CNTNAP2: variants seen among roughly 807,000 people sequenced by gnomAD.
The protein encoded by CNTNAP2 is contactin associated protein 2, also known as contactin-associated protein-like 2.
In CNTNAP2, 98 loss-of-function variants were observed where a neutral mutation model predicts 155.2. The ratio of observed to expected loss-of-function variants is 0.63; its 90% CI spans 0.54 to 0.75. The LOEUF is 0.75. Ranked by LOEUF, CNTNAP2 falls within the 30% of genes least tolerant of loss-of-function variation. The pLI is 0.00. For synonymous variants in CNTNAP2, 651 were observed against 631.2 expected (o/e 1.03, Z -0.47); for missense variants, 1,727 against 1,688.1 (o/e 1.02, Z -0.40).
chr7:146,261,714 G>C (rs1799921810), intron 1 of CNTNAP2, among the ~76,000 whole-genome samples: 1 of 152,034 alleles, frequency 6.6e-6, no homozygotes, highest in Non-Finnish European at 1.5e-5. Flanking sequence ...TAGCTGAACA[G>C]TTTTAGAAAT....
intron 3 of CNTNAP2, among the ~76,000 whole-genome samples, chr7:146,904,638 A>T (rs1018066388): frequency 6.6e-6 from 1 of 151,856 alleles, no homozygotes; most frequent in African/African-American, 2.4e-5. Context: ...CGCCTGGCTA[A>T]TTTTTTGTAT....
chr7:147,010,736 G>A lies in CNTNAP2; in HGVS notation c.403-33171G>A, dbSNP rs148300492. ...TGTAGAAGAGTACCAACTAGTCAGCGCAGAAGTAATGATGGAATCAGGAAA... is the reference window on the plus strand; with the variant it reads ...TGTAGAAGAGTACCAACTAGTCAGCACAGAAGTAATGATGGAATCAGGAAA... On this transcript the variant is annotated intron_variant, in intron 3 of 23. Coordinates refer to ENST00000361727, the MANE Select transcript of CNTNAP2 (RefSeq NM_014141.6). Among the ~76,000 whole-genome samples, 553 of 152,232 alleles carry A rather than the reference G, an allele frequency of 3.6e-3. 9 individuals carry two copies. Among genetic ancestry groups the A allele is most frequent in the African/African-American group, 0.012 (518 of 41,552 alleles).
chr7:146,712,967 G>C (rs533769047), intron 1 of CNTNAP2, among the ~76,000 whole-genome samples: 1 of 151,680 alleles, frequency 6.6e-6, no homozygotes, highest in Admixed American at 6.6e-5. Context: ...ACGCTGACCT[G>C]TACCCCTCCC....
chr7:147,249,603 G>GAAAAAAAAAAAAAAAAAAAA (rs1563133155), intron 8 of CNTNAP2, among the ~76,000 whole-genome samples: 1 of 24,350 alleles, frequency 4.1e-5, no homozygotes, highest in African/African-American at 1.9e-4. Context: ...GACATTGGAG[G>GAAAAAAAAAAAAAAAAAAAA]TAAAAAAAAA....
intron 14 of CNTNAP2, among the ~76,000 whole-genome samples, chr7:147,931,324 C>T (rs1413119264): frequency 6.6e-6 from 1 of 150,908 alleles, no homozygotes; most frequent in Non-Finnish European, 1.5e-5. Flanking sequence ...GAAAAGGAGA[C>T]ATTACAACCT....
chr7:148,211,659 G>T (rs1342334409), intron 18 of CNTNAP2, among the ~76,000 whole-genome samples: 5 of 152,190 alleles, frequency 3.3e-5, no homozygotes, highest in Non-Finnish European at 4.4e-5. Context: ...TCACTTCGTT[G>T]AAATCCCTGT....
At chr7:147,630,502 C>T (rs996177361) in intron 12 of CNTNAP2, among the ~76,000 whole-genome samples, 7 of 151,938 alleles carry the variant, frequency 4.6e-5, no homozygotes, top group African/African-American at 1.7e-4. Flanking sequence ...ATACCAAAGC[C>T]AGGAAAGGAC....
rs1799975246 is a variant in CNTNAP2, at chr7:148,415,858, C to T, written c.*242C>T. ...TCAAAACAAAATAATACAAAAAATG[C>T]TTTTAGAGTTTAAGCAATGGTTGAA... is the stretch of plus-strand genomic sequence containing the variant. On this transcript the variant is annotated 3_prime_UTR_variant, in exon 24 of 24. Coordinates refer to ENST00000361727, the MANE Select transcript of CNTNAP2 (RefSeq NM_014141.6). 1.7e-6 allele frequency: 1 copy of T among 587,178 alleles called. No homozygotes were observed. Among genetic ancestry groups the T allele is most frequent in the African/African-American group, 1.9e-5 (1 of 53,222 alleles). 36.4% of individuals were successfully genotyped at this position (587,178 alleles called of 1,614,324 possible).
intron 15 of CNTNAP2, among the ~76,000 whole-genome samples, chr7:148,010,141 TA>T (rs1417604905): frequency 3.3e-5 from 5 of 152,002 alleles, no homozygotes; most frequent in Non-Finnish European, 7.4e-5. Flanking sequence ...TAAACTAATT[TA>T]ATTTGGGTTT....
chr7:146,728,973 C>T (rs1018656882), intron 1 of CNTNAP2, among the ~76,000 whole-genome samples: 1 of 152,206 alleles, frequency 6.6e-6, no homozygotes, highest in Admixed American at 6.5e-5. Flanking sequence ...TGAGAGGTGG[C>T]TACTTGATAT....
At chr7:146,597,387 G>A (rs1584999569) in intron 1 of CNTNAP2, among the ~76,000 whole-genome samples, 1 of 151,900 alleles carries the variant, frequency 6.6e-6, no homozygotes, top group East Asian at 1.9e-4. Flanking sequence ...AAATACCTGA[G>A]AGTCCATAAT....
At chr7:147,819,249 T>A (rs1483960817) in intron 13 of CNTNAP2, among the ~76,000 whole-genome samples, 2 of 152,218 alleles carry the variant, frequency 1.3e-5, no homozygotes, top group African/African-American at 4.8e-5. Context: ...AGTTTTGCTG[T>A]AAGCTGTACC....
In CNTNAP2 at chr7:148,409,369, T is replaced by C. The variant is rs111479354; in HGVS notation, c.3716-22T>C. 7,029 of 1,242,780 alleles carry C rather than the reference T, an allele frequency of 5.7e-3. 44 individuals are homozygous for C. Among genetic ancestry groups the C allele is most frequent in the Middle Eastern group, 0.037 (200 of 5,358 alleles). The allele number at this position is 1,242,780 out of a possible 1,614,324, so 77.0% of individuals were successfully genotyped here. A position where few individuals can be genotyped will look rare whatever the true frequency, so the allele number is the denominator to read the frequency against. On this transcript the variant is annotated intron_variant, in intron 22 of 23. Transcript: ENST00000361727. ...TCAATAGTATACTTGACTCTGACAC[T>C]TGACTCTTTCTTTCTCTACAGCCAG...
chr7:148,332,520 G>A (rs1044006884), intron 21 of CNTNAP2, among the ~76,000 whole-genome samples: 3 of 152,178 alleles, frequency 2.0e-5, no homozygotes, highest in Non-Finnish European at 2.9e-5. Context: ...TTGACCCAGA[G>A]CGTGGCCCTT....
chr7:147,747,304 A>T (rs924607870), intron 13 of CNTNAP2, among the ~76,000 whole-genome samples: 8 of 152,102 alleles, frequency 5.3e-5, no homozygotes, highest in African/African-American at 1.9e-4. Context: ...ATCACATCAG[A>T]CTGGCATCTC....
chr7:147,296,798 A>G (rs1805456249), intron 8 of CNTNAP2, among the ~76,000 whole-genome samples: 1 of 152,166 alleles, frequency 6.6e-6, no homozygotes, highest in Admixed American at 6.5e-5. Context: ...AGGTTCTTTA[A>G]TAAGGAGATT....
chr7:148,174,036 A>G (rs1310882350), intron 18 of CNTNAP2, among the ~76,000 whole-genome samples: 1 of 152,256 alleles, frequency 6.6e-6, no homozygotes, highest in Non-Finnish European at 1.5e-5. Context: ...CATTGCAGAT[A>G]AAGTGAAATG....
At chr7:147,317,926 A>T (rs1795264198) in intron 9 of CNTNAP2, among the ~76,000 whole-genome samples, 2 of 151,352 alleles carry the variant, frequency 1.3e-5, no homozygotes, top group Admixed American at 1.3e-4. Flanking sequence ...CTTTCTTCTT[A>T]CCTAGTTTTG....
chr7:148,341,272 T>C (rs1168758927), intron 21 of CNTNAP2, among the ~76,000 whole-genome samples: 3 of 121,960 alleles, frequency 2.5e-5, no homozygotes, highest in African/African-American at 1.0e-4. Flanking sequence ...TCAGAGGATT[T>C]CTTTTTTTTT....
Sources: allele counts gnomAD v4.1 joint callset (sites outside exome capture counted in the v4.1 genomes callset), GRCh38; gene constraint gnomAD v4.1.1; transcripts MANE v1.5; gene names NCBI Gene and HGNC (gene_info 2026-07-23, HGNC 2026-07-21).